ST8SIA6: variants seen among roughly 807,000 people sequenced by gnomAD.
ST8SIA6 encodes alpha-2,8-sialyltransferase 8F.
ST8SIA6 carries 39 observed loss-of-function variants against 33.6 expected under a neutral mutation model. That is an observed-to-expected ratio of 1.16 (90% CI 0.90 to 1.52). The LOEUF is 1.52. ST8SIA6 is among the 40% of genes most tolerant of loss of function. ST8SIA6 has a pLI of 0.00. For synonymous variants in ST8SIA6, 172 were observed against 167.2 expected, an observed-to-expected ratio of 1.03 and a Z score of -0.22; for missense variants, 441 against 443.8, an observed-to-expected ratio of 0.99 and a Z score of 0.06.
intron 3 of ST8SIA6, among the ~76,000 whole-genome samples, chr10:17,370,433 T>G (rs1317405422): frequency 6.6e-6 from 1 of 152,176 alleles, no homozygotes; most frequent in Non-Finnish European, 1.5e-5. Flanking sequence ...TATAGCTTTG[T>G]TTTGACTTAG....
rs1850870628 is a variant in ST8SIA6, at chr10:17,397,801, C to T, written c.201-7181G>A. On this transcript the variant is annotated intron_variant, in intron 2 of 7. Transcript: ENST00000377602. ...CAAGACTTTAGGCATGTTTTCATCA[C>T]TTCAGTATGTTGCGGGGGGGAAATC... Among the ~76,000 whole-genome samples, 3 of 152,054 alleles carry T rather than the reference C, an allele frequency of 2.0e-5. No individual in the cohort carries two copies. The South Asian group carries it at 6.2e-4, about 31-fold the overall frequency.
chr10:17,327,761 G>T lies in ST8SIA6; in HGVS notation c.523-635C>A, dbSNP rs139852368. Among the ~76,000 whole-genome samples, 783 of 152,068 alleles carry T rather than the reference G, an allele frequency of 5.1e-3. 3 individuals carry two copies. The highest frequency in any genetic ancestry group is 0.013 in the Admixed American group (194 of 15,260). ...GTCTCTACAAAAAGTAGAAAAATTG[G>T]CTGAGTTTGGTGAAGAGCGCCAGTA... On this transcript the variant is annotated intron_variant, in intron 5 of 7. Transcript: ENST00000377602.
intron 2 of ST8SIA6, among the ~76,000 whole-genome samples, chr10:17,434,039 C>A (rs1852178200): frequency 6.6e-6 from 1 of 152,180 alleles, no homozygotes; most frequent in Non-Finnish European, 1.5e-5. Flanking sequence ...AAAACAGGCA[C>A]TTGTACCTGT....
At chr10:17,375,264 A>G (rs1849875279) in intron 3 of ST8SIA6, among the ~76,000 whole-genome samples, 1 of 152,252 alleles carries the variant, frequency 6.6e-6, no homozygotes, top group Non-Finnish European at 1.5e-5. Flanking sequence ...AATCTTGTCT[A>G]TGACCAAAAA....
intron 2 of ST8SIA6, among the ~76,000 whole-genome samples, chr10:17,450,915 C>G (rs910951742): frequency 2.6e-5 from 4 of 152,152 alleles, no homozygotes; most frequent in African/African-American, 9.7e-5. Context: ...CACACACACA[C>G]CATCTTTCCC....
chr10:17,401,910 A>G (rs993667611), intron 2 of ST8SIA6, among the ~76,000 whole-genome samples: 1 of 152,092 alleles, frequency 6.6e-6, no homozygotes, highest in Non-Finnish European at 1.5e-5. Context: ...AGCAATGGCA[A>G]CAAAAGTCAA....
chr10:17,352,964 T>A (rs1849081605), intron 4 of ST8SIA6, among the ~76,000 whole-genome samples: 1 of 151,180 alleles, frequency 6.6e-6, no homozygotes, highest in Non-Finnish European at 1.5e-5. Flanking sequence ...CTTCTTAAAT[T>A]AAAAAAAAAT....
At chr10:17,333,717 A>ATTTT (rs71392102) in intron 4 of ST8SIA6, among the ~76,000 whole-genome samples, 563 of 33,754 alleles carry the variant, frequency 0.017, 88 homozygotes, top group African/African-American at 0.077. Flanking sequence ...ATATATATAT[A>ATTTT]TTTTTTTTTT....
chr10:17,398,195 C>T (rs768902932), intron 2 of ST8SIA6, among the ~76,000 whole-genome samples: 8 of 152,022 alleles, frequency 5.3e-5, no homozygotes, highest in South Asian at 2.1e-4. Flanking sequence ...GGCATGGTGG[C>T]GCATGCCTGT....
chr10:17,392,804 C>T (rs567742032), intron 2 of ST8SIA6, among the ~76,000 whole-genome samples: 11 of 152,220 alleles, frequency 7.2e-5, no homozygotes, highest in East Asian at 1.9e-4. Context: ...TGTTTCTTGC[C>T]GATGAAATGC....
chr10:17,414,575 T>C (rs4561106), intron 2 of ST8SIA6, among the ~76,000 whole-genome samples: 86,097 of 152,042 alleles, frequency 0.57, 25,347 homozygotes, highest in African/African-American at 0.71. Context: ...ATCTCATATT[T>C]TGAAGACTCA....
chr10:17,420,483 G>A (rs116810081), intron 2 of ST8SIA6, among the ~76,000 whole-genome samples: 1 of 152,210 alleles, frequency 6.6e-6, no homozygotes, highest in African/African-American at 2.4e-5. Flanking sequence ...TGAAAGTCAT[G>A]TGAATATTTG....
At chr10:17,441,302 A>ATATTTATTTATTTATT (rs1175088506) in intron 2 of ST8SIA6, among the ~76,000 whole-genome samples, 37 of 81,364 alleles carry the variant, frequency 4.5e-4, no homozygotes, top group African/African-American at 3.4e-3. Context: ...CATCTAAATT[A>ATATTTATTTATTTATT]TCTTTATTTA....
intron 4 of ST8SIA6, among the ~76,000 whole-genome samples, chr10:17,339,015 C>T (rs144929713): frequency 2.6e-5 from 4 of 152,220 alleles, no homozygotes; most frequent in East Asian, 1.9e-4. Context: ...AGGATGAAAT[C>T]GAAGATCTGC....
chr10:17,320,726 C>T lies in ST8SIA6; in HGVS notation c.*152G>A. On this transcript the variant is annotated 3_prime_UTR_variant, in exon 8 of 8. Transcript: ENST00000377602. ...AAGATGAGAAGGATTGAATGACTTGCCATCATTGCAAAATGAGTGGGGAAG... is the reference window on the plus strand; with the variant it reads ...AAGATGAGAAGGATTGAATGACTTGTCATCATTGCAAAATGAGTGGGGAAG... 1 of 661,920 alleles carries T rather than the reference C, an allele frequency of 1.5e-6. No homozygotes were observed. Among genetic ancestry groups the T allele is most frequent in the Non-Finnish European group, 2.6e-6 (1 of 386,286 alleles). 41.0% of individuals were successfully genotyped at this position (661,920 alleles called of 1,614,324 possible).
At chr10:17,393,951 A>G (rs1343320169) in intron 2 of ST8SIA6, among the ~76,000 whole-genome samples, 1 of 152,124 alleles carries the variant, frequency 6.6e-6, no homozygotes, top group East Asian at 1.9e-4. Context: ...TTCTGAATGT[A>G]TTATACTGTC....
At chr10:17,377,143 T>G (rs1849945591) in intron 3 of ST8SIA6, among the ~76,000 whole-genome samples, 2 of 152,190 alleles carry the variant, frequency 1.3e-5, no homozygotes. Context: ...CAGTTGACCT[T>G]GTGACATTCC....
At chr10:17,406,048 T>TA (rs1268917888) in intron 2 of ST8SIA6, among the ~76,000 whole-genome samples, 2 of 152,134 alleles carry the variant, frequency 1.3e-5, no homozygotes, top group Non-Finnish European at 2.9e-5. Flanking sequence ...AGACCCTGCT[T>TA]AATAATCAGT....
At chr10:17,444,604 G>A (rs1447953057) in intron 2 of ST8SIA6, among the ~76,000 whole-genome samples, 1 of 152,154 alleles carries the variant, frequency 6.6e-6, no homozygotes, top group Non-Finnish European at 1.5e-5. Flanking sequence ...GCTCAGGGGT[G>A]ACTGCAGCCC....
Sources: gnomAD v4.1 joint callset for allele counts (sites outside exome capture counted in the v4.1 genomes callset) on GRCh38, gnomAD v4.1.1 for gene constraint, MANE v1.5 for transcripts, NCBI Gene and HGNC (gene_info 2026-07-23, HGNC 2026-07-21) for gene names.